PHF21B: variants seen among roughly 807,000 people sequenced by gnomAD.
The protein encoded by PHF21B is PHD finger protein 21B.
A neutral mutation model predicts 62.2 loss-of-function variants in PHF21B; 22 were observed. The observed-to-expected ratio is 0.35, with a 90% CI of 0.25 to 0.51. PHF21B has a LOEUF of 0.51. Among genes scored for constraint, PHF21B ranks in the 20% least tolerant of loss-of-function variants. PHF21B has a pLI of 0.97. For missense variants in PHF21B, 701 were observed against 707.9 expected (o/e 0.99, Z 0.11); for synonymous variants, 341 against 314.7 (o/e 1.08, Z -0.88).
At chr22:44,954,423 C>G (rs951408942) in intron 2 of PHF21B, among the ~76,000 whole-genome samples, 2 of 152,214 alleles carry the variant, frequency 1.3e-5, no homozygotes, top group Admixed American at 1.3e-4. Flanking sequence ...AATGCCACAT[C>G]TGAGGAATTC....
intron 2 of PHF21B, among the ~76,000 whole-genome samples, chr22:44,964,936 C>T (rs762446315): frequency 2.6e-5 from 4 of 152,176 alleles, no homozygotes; most frequent in South Asian, 2.1e-4. Flanking sequence ...CATCTCTGAG[C>T]CTTGGCTCCT....
At chr22:44,919,178 G>A (rs572957221) in intron 3 of PHF21B, among the ~76,000 whole-genome samples, 3 of 151,224 alleles carry the variant, frequency 2.0e-5, no homozygotes, top group South Asian at 4.2e-4. Flanking sequence ...AGTCTCCTCA[G>A]GGCTCCCGCC....
At chr22:45,007,658 T>A (rs1194428323) in intron 2 of PHF21B, among the ~76,000 whole-genome samples, 1 of 132,748 alleles carries the variant, frequency 7.5e-6, no homozygotes, top group Non-Finnish European at 1.6e-5. Flanking sequence ...GCTGCGCCGC[T>A]CAAAGTTCTC....
intron 2 of PHF21B, chr22:45,003,679 T>C (rs1179609214): frequency 6.6e-6 from 1 of 152,134 alleles, no homozygotes; most frequent in African/African-American, 2.4e-5. Context: ...TGGGGAAGAA[T>C]ATACTAGAAG....
intron 2 of PHF21B, among the ~76,000 whole-genome samples, chr22:44,998,764 T>C (rs2073162375): frequency 6.6e-6 from 1 of 152,188 alleles, no homozygotes; most frequent in Non-Finnish European, 1.5e-5. Context: ...CTGTTTCTTG[T>C]ATTATTGTTA....
At chr22:44,883,790 C>G (rs551094281) in intron 12 of PHF21B, among the ~76,000 whole-genome samples, 3 of 142,050 alleles carry the variant, frequency 2.1e-5, no homozygotes, top group African/African-American at 7.3e-5. Flanking sequence ...GGGTGAAATA[C>G]TGCTTGGGCA....
At chr22:45,004,890 T>C (rs2073287290) in intron 2 of PHF21B, among the ~76,000 whole-genome samples, 1 of 152,120 alleles carries the variant, frequency 6.6e-6, no homozygotes, top group Non-Finnish European at 1.5e-5. Flanking sequence ...ACTCTTGGGG[T>C]AGTGCACAAG....
chr22:44,981,853 A>G (rs1601675051), intron 2 of PHF21B, among the ~76,000 whole-genome samples: 1 of 152,362 alleles, frequency 6.6e-6, no homozygotes, highest in East Asian at 1.9e-4. Context: ...TGACCATGAA[A>G]AGAAGGTAAC....
chr22:44,904,016 T>C (rs1362089396), intron 5 of PHF21B, among the ~76,000 whole-genome samples: 1 of 152,010 alleles, frequency 6.6e-6, no homozygotes, highest in Non-Finnish European at 1.5e-5. Context: ...TCCTACTTCT[T>C]GGGAAAAAAA....
intron 2 of PHF21B, among the ~76,000 whole-genome samples, chr22:44,921,805 C>T (rs1376976939): frequency 6.6e-6 from 1 of 150,646 alleles, no homozygotes; most frequent in Non-Finnish European, 1.5e-5. Flanking sequence ...ATTACAGGCG[C>T]CCGCCACCAC....
intron 2 of PHF21B, among the ~76,000 whole-genome samples, chr22:44,932,637 A>G (rs1009211819): frequency 6.6e-6 from 1 of 152,204 alleles, no homozygotes; most frequent in African/African-American, 2.4e-5. Context: ...ACGGCCTGGG[A>G]TCTAACTGAG....
chr22:44,972,316 A>T (rs1451043990), intron 2 of PHF21B, among the ~76,000 whole-genome samples: 1 of 152,246 alleles, frequency 6.6e-6, no homozygotes, highest in African/African-American at 2.4e-5. Context: ...TGACTTTGGT[A>T]AAATGTATCA....
intron 2 of PHF21B, among the ~76,000 whole-genome samples, chr22:44,980,350 A>C (rs1601673373): frequency 6.6e-6 from 1 of 152,256 alleles, no homozygotes; most frequent in South Asian, 2.1e-4. Context: ...ACCCACGCTG[A>C]AGTAGGTAAC....
intron 2 of PHF21B, among the ~76,000 whole-genome samples, chr22:44,963,305 G>A (rs1174562287): frequency 1.3e-5 from 2 of 152,246 alleles, no homozygotes; most frequent in Non-Finnish European, 2.9e-5. Flanking sequence ...CAGCGGCCCC[G>A]AGCGCAAGAC....
At chr22:44,899,285 C>CTTTTTTTTTTTTT (rs71188499) in intron 5 of PHF21B, among the ~76,000 whole-genome samples, 7 of 97,560 alleles carry the variant, frequency 7.2e-5, no homozygotes, top group African/African-American at 1.4e-4. Flanking sequence ...TGTTCTTATT[C>CTTTTTTTTTTTTT]TTTTTTTTTT....
At chr22:44,900,756 C>T (rs879199024) in intron 5 of PHF21B, among the ~76,000 whole-genome samples, 1 of 149,854 alleles carries the variant, frequency 6.7e-6, no homozygotes, top group Admixed American at 6.6e-5. Context: ...CAGACACCAG[C>T]TTAACTGCTT....
chr22:44,909,795 T>C (rs926739204), intron 5 of PHF21B, among the ~76,000 whole-genome samples: 45 of 152,372 alleles, frequency 3.0e-4, no homozygotes, highest in African/African-American at 1.0e-3. Flanking sequence ...TGCTGGATCC[T>C]GGCAACTCCT....
chr22:44,908,368 C>T (rs747151677), intron 5 of PHF21B, among the ~76,000 whole-genome samples: 2 of 152,088 alleles, frequency 1.3e-5, no homozygotes, highest in African/African-American at 2.4e-5. Context: ...CAGCTAACAC[C>T]CTCCTAGGTG....
intron 2 of PHF21B, chr22:44,968,853 T>G (rs188566943): frequency 6.6e-6 from 1 of 152,232 alleles, no homozygotes; most frequent in East Asian, 1.9e-4. Flanking sequence ...GGTTTCAGAT[T>G]TTTGGAAGAG....
Sources: allele counts gnomAD v4.1 joint callset (sites outside exome capture counted in the v4.1 genomes callset), GRCh38; gene constraint gnomAD v4.1.1; transcripts MANE v1.5; gene names NCBI Gene and HGNC (gene_info 2026-07-23, HGNC 2026-07-21).